Variants in LIFR observed in about 807,000 individuals in gnomAD.
LIFR encodes leukemia inhibitory factor receptor.
Under a neutral mutation model 122.2 loss-of-function variants are expected in LIFR, and 84 were observed. The observed-to-expected ratio is 0.69, with a 90% CI of 0.58 to 0.82. The LOEUF (loss-of-function observed/expected upper bound fraction) is 0.82, where lower values mean the gene tolerates loss of function less well. Ranked by LOEUF, LIFR falls within the 40% of genes least tolerant of loss-of-function variation. LIFR has a pLI of 0.00. For missense variants in LIFR, 1,294 were observed against 1,311.6 expected (o/e 0.99, Z 0.21); for synonymous variants, 422 against 434.7 (o/e 0.97, Z 0.36).
intron 1 of LIFR, among the ~76,000 whole-genome samples, chr5:38,593,815 T>C (rs186016743): frequency 2.0e-5 from 3 of 152,114 alleles, no homozygotes; most frequent in Non-Finnish European, 2.9e-5. Flanking sequence ...GAAGACATGA[T>C]AAGAAAACGG....
intron 1 of LIFR, among the ~76,000 whole-genome samples, chr5:38,543,203 T>C (rs1747688160): frequency 6.6e-6 from 1 of 151,326 alleles, no homozygotes; most frequent in Non-Finnish European, 1.5e-5. Context: ...CCCTGGACAA[T>C]GTGGAGAAAT....
chr5:38,506,028 T>C lies in LIFR; in HGVS notation c.1168A>G (p.Asn390Asp). 3 of 1,606,024 alleles carry C rather than the reference T, an allele frequency of 1.9e-6. No individual in the cohort carries two copies. The highest frequency in any genetic ancestry group is 2.6e-6 in the Non-Finnish European group (3 of 1,174,768). The change falls in exon 9 of 20, where the codon AAC becomes GAC. Residue 390 changes from asparagine to aspartate, a missense_variant. Transcript: ENST00000453190. ...VRLKRAEAPT[N>D]ESYQLLFQML... The stretch of plus-strand genomic sequence containing the variant: ...TGAAATAATAATTGATAGCTTTCGT[T>C]TGTAGGTGCTTCAGCTCTTTTAAGT...
chr5:38,501,706 A>G (rs1745189013), intron 11 of LIFR, among the ~76,000 whole-genome samples: 1 of 151,936 alleles, frequency 6.6e-6, no homozygotes, highest in Non-Finnish European at 1.5e-5. Flanking sequence ...GCGCCATTGC[A>G]CTCCAGCCTA....
At chr5:38,539,608 C>T (rs1488255028) in intron 1 of LIFR, among the ~76,000 whole-genome samples, 1 of 151,932 alleles carries the variant, frequency 6.6e-6, no homozygotes, top group Non-Finnish European at 1.5e-5. Flanking sequence ...TTTCAATGAA[C>T]CTGTTTGCTA....
At chr5:38,512,180 A>G (rs1056891995) in intron 5 of LIFR, among the ~76,000 whole-genome samples, 2 of 152,306 alleles carry the variant, frequency 1.3e-5, no homozygotes, top group East Asian at 1.9e-4. Context: ...AATGTATTAT[A>G]TAAGATGTTG....
intron 1 of LIFR, 158 bp from the exon 2 acceptor site, chr5:38,530,824 A>C: frequency 2.9e-6 from 2 of 686,210 alleles, no homozygotes; most frequent in Non-Finnish European, 5.1e-6. Flanking sequence ...TGGCTTGTGG[A>C]GACATCAATA....
rs771415373 is a variant in LIFR, at chr5:38,502,634, T to C, written c.1600+3A>G. ...TTAGCCATACATCACTTAGTTAACT[T>C]ACTGGCTTCTGTTGTTAAATGTTGT... On this transcript the variant is annotated splice_donor_region_variant and intron_variant, in intron 11 of 19. Transcript: ENST00000453190. 6.2e-7 allele frequency: 1 copy of C among 1,607,244 alleles called. No homozygotes were observed. Among genetic ancestry groups the C allele is most frequent in the Non-Finnish European group, 8.5e-7 (1 of 1,174,462 alleles).
At chr5:38,503,817 T>C (rs534049452) in intron 10 of LIFR, among the ~76,000 whole-genome samples, 159 bp downstream of exon 10, 2 of 152,340 alleles carry the variant, frequency 1.3e-5, no homozygotes, top group African/African-American at 4.8e-5. Context: ...TTTCAAATGA[T>C]ACAATGCTGT....
At chr5:38,540,310 C>A (rs781712955) in intron 1 of LIFR, among the ~76,000 whole-genome samples, 2 of 152,196 alleles carry the variant, frequency 1.3e-5, no homozygotes, top group African/African-American at 4.8e-5. Context: ...GGTAGATGTA[C>A]AATGTGATTA....
chr5:38,517,690 C>T (rs1283661367), intron 5 of LIFR, among the ~76,000 whole-genome samples: 1 of 151,226 alleles, frequency 6.6e-6, no homozygotes, highest in African/African-American at 2.4e-5. Flanking sequence ...ACCCCATCTC[C>T]ACTAAAAATA....
intron 14 of LIFR, among the ~76,000 whole-genome samples, chr5:38,493,212 G>C (rs1398993589): frequency 1.4e-5 from 2 of 147,518 alleles, no homozygotes; most frequent in Non-Finnish European, 3.0e-5. Context: ...CAGTTCCGTA[G>C]TTTTTTTTTT....
At chr5:38,543,137 G>A (rs374834875) in intron 1 of LIFR, among the ~76,000 whole-genome samples, 4 of 151,850 alleles carry the variant, frequency 2.6e-5, no homozygotes, top group East Asian at 3.9e-4. Context: ...TGAAAATGAC[G>A]TGAAACCATA....
At chr5:38,510,409 C>A (rs1464792755) in intron 7 of LIFR, 55 bp downstream of exon 7, 18 of 1,504,420 alleles carry the variant, frequency 1.2e-5, no homozygotes, top group East Asian at 2.3e-5. Flanking sequence ...TTAAGGCTTT[C>A]AAGGAAGACC....
chr5:38,538,944 G>T (rs1262810362), intron 1 of LIFR, among the ~76,000 whole-genome samples: 1 of 151,952 alleles, frequency 6.6e-6, no homozygotes, highest in Non-Finnish European at 1.5e-5. Flanking sequence ...CTTTCCTAGG[G>T]GCATCTCTTC....
chr5:38,500,950 G>A (rs766990858), intron 11 of LIFR, among the ~76,000 whole-genome samples: 1 of 152,170 alleles, frequency 6.6e-6, no homozygotes, highest in Non-Finnish European at 1.5e-5. Flanking sequence ...CACTTAAGCA[G>A]GCCTAGAGAG....
intron 1 of LIFR, among the ~76,000 whole-genome samples, chr5:38,585,817 G>A (rs7711513): frequency 0.12 from 18,809 of 151,662 alleles, 3,413 homozygotes; most frequent in African/African-American, 0.39. Flanking sequence ...ATAAGTCAAT[G>A]GCAAAATATT....
At position 38,528,757 on chromosome 5, in the gene LIFR, C is replaced by A. The variant is rs868567182; in HGVS notation, c.226G>T (p.Gly76Cys). 1 of 1,595,784 alleles carries A rather than the reference C, an allele frequency of 6.3e-7. No individual in the cohort carries two copies. Among genetic ancestry groups the A allele is most frequent in the East Asian group, 2.3e-5 (1 of 44,318 alleles). ...SWKAPSGTGR[G>C]TDYEVCIENR... ...TCAATGCAAACTTCATAATCAGTAC[C>A]ACGGCCTGTTCCAGAGGGTGCTTTC... The change falls in exon 3 of 20, where the codon GGT (glycine) becomes TGT (cysteine). Residue 76 changes from glycine to cysteine, a missense_variant. Gly to Cys is a radical substitution (Grantham distance 159). Transcript: ENST00000453190.
intron 5 of LIFR, among the ~76,000 whole-genome samples, chr5:38,517,878 A>AAAAAAAAAAAAAAAAAAAAC (rs1746179161): frequency 6.9e-6 from 1 of 145,200 alleles, no homozygotes; most frequent in African/African-American, 2.5e-5. Context: ...AAAAAAAAAA[A>AAAAAAAAAAAAAAAAAAAAC]AAAGGATGGG....
intron 1 of LIFR, among the ~76,000 whole-genome samples, chr5:38,585,617 T>A (rs1197491682): frequency 6.6e-6 from 1 of 152,158 alleles, no homozygotes. Context: ...AAACAGGATG[T>A]GTGTCAACCT....
Sources: gnomAD v4.1 joint callset for allele counts (sites outside exome capture counted in the v4.1 genomes callset) on GRCh38, gnomAD v4.1.1 for gene constraint, MANE v1.5 for transcripts, NCBI Gene and HGNC (gene_info 2026-07-23, HGNC 2026-07-21) for gene names.